MECOM: variants seen among roughly 807,000 people sequenced by gnomAD.
MECOM encodes MDS1 and EVI1 complex locus.
MECOM carries 13 observed loss-of-function variants against 116.3 expected under a neutral mutation model. The ratio of observed to expected loss-of-function variants is 0.11; its 90% confidence interval spans 0.07 to 0.18. The LOEUF is 0.18. MECOM is among the 10% of genes least tolerant of loss of function. The probability of loss-of-function intolerance (pLI) is 1.00; values close to 1 mark genes in which losing one functional copy is unlikely to be tolerated. For missense variants in MECOM, 1,299 were observed against 1,509.0 expected, an observed-to-expected ratio of 0.86 and a Z score of 2.31; for synonymous variants, 528 against 535.2, an observed-to-expected ratio of 0.99 and a Z score of 0.19.
intron 2 of MECOM, among the ~76,000 whole-genome samples, chr3:169,374,439 T>TA (rs1445168036): frequency 2.0e-5 from 3 of 151,870 alleles, no homozygotes; most frequent in Non-Finnish European, 4.4e-5. Context: ...CCACAGGGAT[T>TA]AAAAAAATAT....
chr3:169,251,374 T>C (rs932895088), intron 2 of MECOM, among the ~76,000 whole-genome samples: 2 of 152,206 alleles, frequency 1.3e-5, no homozygotes, highest in African/African-American at 4.8e-5. Context: ...GTGAAAAGTT[T>C]CTTTAGAAAG....
intron 1 of MECOM, among the ~76,000 whole-genome samples, chr3:169,439,134 T>G (rs1163043990): frequency 6.8e-6 from 1 of 146,774 alleles, no homozygotes; most frequent in African/African-American, 2.5e-5. Flanking sequence ...TATTTAATAT[T>G]AATATAGTTA....
At chr3:169,538,771 G>A (rs1759702039) in intron 1 of MECOM, among the ~76,000 whole-genome samples, 1 of 152,246 alleles carries the variant, frequency 6.6e-6, no homozygotes, top group South Asian at 2.1e-4. Flanking sequence ...CTAACTACTG[G>A]TGAGTGCAGT....
In MECOM at chr3:169,159,766, G is replaced by A. The variant is rs142206651; in HGVS notation, c.376-15934C>T. 6.4e-3 allele frequency among the ~76,000 whole-genome samples: 971 copies of A among 152,308 alleles called. 10 individuals carry two copies. Among genetic ancestry groups the A allele is most frequent in the African/African-American group, 0.021 (862 of 41,566 alleles). On this transcript the variant is annotated intron_variant, in intron 2 of 16. Transcript: ENST00000651503. ...AGTGACTAACAACACAGAATCTGCAGTGGGGCAGCCTGGATTCAAATCACA... is the reference window on the plus strand; with the variant it reads ...AGTGACTAACAACACAGAATCTGCAATGGGGCAGCCTGGATTCAAATCACA...
chr3:169,275,607 T>C (rs1434586216), intron 2 of MECOM, among the ~76,000 whole-genome samples: 1 of 152,098 alleles, frequency 6.6e-6, no homozygotes, highest in African/African-American at 2.4e-5. Flanking sequence ...TTTCACTCTC[T>C]TCTTTTTTCT....
At chr3:169,263,174 T>G (rs1329380322) in intron 2 of MECOM, among the ~76,000 whole-genome samples, 2 of 133,208 alleles carry the variant, frequency 1.5e-5, no homozygotes, top group African/African-American at 2.8e-5. Flanking sequence ...TGTCACCCAG[T>G]CTGGAGTGCA....
chr3:169,381,150 C>T (rs762506035), intron 2 of MECOM, 37 bp downstream of exon 2: 1 of 1,519,918 alleles, frequency 6.6e-7, no homozygotes, highest in Non-Finnish European at 8.9e-7. Context: ...TACACAGCTG[C>T]AATATATAAA....
Position 169,345,819 on chromosome 3 carries a change from G to A in MECOM, c.375+35368C>T, listed in dbSNP as rs184360324. Among the ~76,000 whole-genome samples, 61 of 152,208 alleles carry A rather than the reference G, an allele frequency of 4.0e-4. No homozygotes were observed. The East Asian group carries it at 9.7e-3, about 24-fold the overall frequency. The stretch of plus-strand genomic sequence containing the variant: ...TAAATAAAAGTAAATGCCTTGAAGT[G>A]ATTTTACATAACGACATGGCACGAT... On this transcript the variant is annotated intron_variant, in intron 2 of 16. Transcript: ENST00000651503.
intron 1 of MECOM, among the ~76,000 whole-genome samples, chr3:169,580,474 A>C (rs953731489): frequency 1.3e-5 from 2 of 152,194 alleles, no homozygotes; most frequent in Non-Finnish European, 2.9e-5. Context: ...TCTAAAACTA[A>C]ATGAATAAAA....
chr3:169,397,179 T>C (rs2108371119), intron 1 of MECOM, among the ~76,000 whole-genome samples: 1 of 152,252 alleles, frequency 6.6e-6, no homozygotes, highest in South Asian at 2.1e-4. Flanking sequence ...TTAATAAATC[T>C]CTCAATAAAC....
intron 1 of MECOM, among the ~76,000 whole-genome samples, chr3:169,569,175 A>T (rs1017302144): frequency 6.6e-6 from 1 of 152,192 alleles, no homozygotes; most frequent in Non-Finnish European, 1.5e-5. Flanking sequence ...AAGAAAAAAA[A>T]AAAGCAAGGG....
rs1403136273 is a variant in MECOM at position 169,116,733 on chromosome 3, A to C, written c.1139T>G (p.Val380Gly). The stretch of plus-strand genomic sequence containing the variant: ...AAACTGAGTATAGGATTTATGGCAG[A>C]CCTCACCTGTGTGCAAACAACAAAA... ...HSSVKPFICEVCHKSYTQFSN... is the reference protein window; with the variant it reads ...HSSVKPFICEGCHKSYTQFSN... Residue 380 changes from valine (V) to glycine (G), a missense_variant, in exon 8 of 17, where the codon GTC (valine) becomes GGC (glycine). By Grantham distance (109) the Val-to-Gly change is moderately radical (BLOSUM62 -3). This residue lies in a region of MECOM where 42 missense variants were observed against 103.9 expected (regional missense o/e 0.40). Coordinates refer to ENST00000651503, the MANE Select transcript of MECOM (RefSeq NM_004991.4). 1 of 1,589,206 alleles carries C rather than the reference A, an allele frequency of 6.3e-7. No individual in the cohort carries two copies.
At chr3:169,605,303 C>A (rs963177414) in intron 1 of MECOM, among the ~76,000 whole-genome samples, 2 of 152,184 alleles carry the variant, frequency 1.3e-5, no homozygotes, top group Non-Finnish European at 2.9e-5. Context: ...ATGGTAGCTG[C>A]CATGTCCCTT....
At chr3:169,095,798 G>C (rs1397444553) in intron 12 of MECOM, among the ~76,000 whole-genome samples, 1 of 152,018 alleles carries the variant, frequency 6.6e-6, no homozygotes, top group Admixed American at 6.5e-5. Flanking sequence ...TGATACCCAA[G>C]AATCAGCTAC....
intron 2 of MECOM, among the ~76,000 whole-genome samples, chr3:169,342,705 T>C (rs948902871): frequency 8.5e-5 from 13 of 152,218 alleles, no homozygotes; most frequent in Non-Finnish European, 1.9e-4. Flanking sequence ...CTCTCAGATA[T>C]TTCACTTTCT....
chr3:169,139,319 G>A (rs1326484425), intron 3 of MECOM, among the ~76,000 whole-genome samples: 1 of 152,064 alleles, frequency 6.6e-6, no homozygotes, highest in African/African-American at 2.4e-5. Context: ...ATCACCTTGT[G>A]TAAATGACAA....
At chr3:169,468,844 G>A (rs778928274) in intron 1 of MECOM, among the ~76,000 whole-genome samples, 10 of 152,064 alleles carry the variant, frequency 6.6e-5, no homozygotes, top group African/African-American at 1.4e-4. Context: ...CCAACAACTC[G>A]CCTGGGAACA....
At chr3:169,645,823 A>T (rs1577261676) in intron 1 of MECOM, among the ~76,000 whole-genome samples, 1 of 152,210 alleles carries the variant, frequency 6.6e-6, no homozygotes, top group East Asian at 1.9e-4. Context: ...TTGTTTAATC[A>T]AAATGACCTC....
chr3:169,196,905 G>A (rs9863084), intron 2 of MECOM, among the ~76,000 whole-genome samples: 137,557 of 152,016 alleles, frequency 0.9, 62,323 homozygotes, highest in East Asian at 1. Flanking sequence ...AAATCATGGA[G>A]TCAACCTAAA....
Sources: gnomAD v4.1 joint callset for allele counts (sites outside exome capture counted in the v4.1 genomes callset) on GRCh38, gnomAD v4.1.1 for gene constraint, gnomAD v4.1.1 regional missense constraint, MANE v1.5 for transcripts, NCBI Gene and HGNC (gene_info 2026-07-23, HGNC 2026-07-21) for gene names.